KRT78: variants seen among roughly 807,000 people sequenced by gnomAD.
KRT78 encodes keratin 78.
A neutral mutation model predicts 51.4 loss-of-function variants in KRT78; 55 were observed. The observed-to-expected ratio is 1.07, with a 90% CI of 0.86 to 1.34. The LOEUF (loss-of-function observed/expected upper bound fraction) is 1.34. Among genes scored for constraint, KRT78 ranks in the 40% most tolerant of loss-of-function variants. The pLI is 0.00. For missense variants in KRT78, 652 were observed against 649.4 expected (o/e 1.00, Z -0.04); for synonymous variants, 291 against 264.3 (o/e 1.10, Z -0.98).
rs1341099856 is a variant in KRT78, at chr12:52,848,913, G to T, written c.18C>A (p.Cys6Ter). ...GAGCGCTGAAGCCCCTCTGGGCCCG[G>T]CATGGGGAGAGAGACATGGCAGAGA... MSLSP[C>*]RAQRGFSARS... is the part of the protein sequence containing the mutation. Residue 6 changes from cysteine to a stop codon, truncating the protein, a stop_gained, in exon 1 of 9, where the codon TGC becomes TGA. Coordinates refer to ENST00000304620, the MANE Select transcript of KRT78 (RefSeq NM_173352.4). LOFTEE classifies it high-confidence loss of function. The T allele has an allele frequency of 2.6e-6, 4 of 1,566,704 alleles. No homozygotes were observed. Among genetic ancestry groups the T allele is most frequent in the African/African-American group, 2.7e-5 (2 of 73,260 alleles).
rs540528106 is a variant in KRT78 at position 52,847,775 on chromosome 12, C to T, written c.599+132G>A. The T allele has an allele frequency of 7.0e-5, 50 of 715,810 alleles. 1 individual carries two copies. In the South Asian group the frequency reaches 7.3e-4, roughly 10 times the overall value. 44.3% of individuals were successfully genotyped at this position (715,810 alleles called of 1,614,324 possible). A position where few individuals can be genotyped will look rare whatever the true frequency, so the allele number is the denominator to read the frequency against. ...CCTGAGAGCCTGGGGAATGGGGACGCGGAGGGGTAGAGGGGAGGCCAGTCA... is the reference window on the plus strand; with the variant it reads ...CCTGAGAGCCTGGGGAATGGGGACGTGGAGGGGTAGAGGGGAGGCCAGTCA... On this transcript the variant is annotated intron_variant, in intron 2 of 8. Coordinates refer to ENST00000304620, the MANE Select transcript of KRT78 (RefSeq NM_173352.4).
intron 6 of KRT78, among the ~76,000 whole-genome samples, chr12:52,843,700 A>AAG (rs2076619085): frequency 6.7e-6 from 1 of 148,962 alleles, no homozygotes; most frequent in African/African-American, 2.6e-5. Context: ...AAAAAAAAAA[A>AAG]AAAAAGAAAA....
In KRT78 at chr12:52,847,912, C is replaced by T. The variant is rs924762297; in HGVS notation, c.594G>A (p.Lys198=). 1 of 1,614,072 alleles carries T rather than the reference C, an allele frequency of 6.2e-7. No homozygotes were observed. The highest frequency in any genetic ancestry group is 8.5e-7 in the Non-Finnish European group (1 of 1,179,956). The stretch of plus-strand genomic sequence containing the variant: ...GGAAATTTCAGTGTGCCTACTTGGA[C>T]TTATACTCCTCCTCCTGGTCCCGGC... ...KACRDQEEEY[K]SKYEEEAHRR... Residue 198 remains lysine, a synonymous_variant, in exon 2 of 9, where the codon AAG becomes AAA. Transcript: ENST00000304620.
At position 52,844,689 on chromosome 12, in the gene KRT78, G is replaced by C; in HGVS notation, c.791C>G (p.Thr264Arg). Reference protein sequence around the residue: ...LGQLQTQASDTSVVLSMDNNR... With the variant: ...LGQLQTQASDRSVVLSMDNNR... ...GTTGTCCATGGACAGCACCACAGAC[G>C]TGTCGCTGGCCTGGGTCTGGAGCTG... is the stretch of plus-strand genomic sequence containing the variant. The change falls in exon 5 of 9, where the codon ACG becomes AGG. Residue 264 changes from threonine (T) to arginine (R), a missense_variant. Physicochemically the swap from Thr to Arg is moderately conservative, Grantham distance 71. Coordinates refer to ENST00000304620, the MANE Select transcript of KRT78 (RefSeq NM_173352.4). 6.2e-7 allele frequency: 1 copy of C among 1,613,658 alleles called. No individual in the cohort carries two copies. The highest frequency in any genetic ancestry group is 1.1e-5 in the South Asian group (1 of 91,008).
At chr12:52,840,083 A>C in intron 6 of KRT78, 99 bp from the exon 7 acceptor site, 1 of 817,260 alleles carries the variant, frequency 1.2e-6, no homozygotes. Context: ...GGGGCGGATC[A>C]TAATCTTATG....
chr12:52,845,996 C>A, intron 4 of KRT78: 1 of 513,558 alleles, frequency 1.9e-6, no homozygotes, highest in Non-Finnish European at 3.4e-6. Flanking sequence ...TGATTTTTTT[C>A]TGGTTATTCA....
Position 52,839,227 on chromosome 12 carries a change from C to G in KRT78, c.1449G>C (p.Gly483=), listed in dbSNP as rs1420111282. The G allele has an allele frequency of 6.2e-7, 1 of 1,611,746 alleles. No homozygotes were observed. The highest frequency in any genetic ancestry group is 1.7e-5 in the Admixed American group (1 of 59,500). The change falls in exon 9 of 9, where the codon GGG becomes GGC. Residue 483 remains glycine (G), a synonymous_variant. Transcript: ENST00000304620. ...AGCAGGAATCCAAAACAGGGTCCTT[C>G]CCAGAGCCCAGAATGATGTTGGAGC... ...TGGSNIILGS[G]KDPVLDSCSV... is the part of the protein sequence containing the mutation.
At chr12:52,842,963 A>AGAGAGAGAGAG (rs1359058069) in intron 6 of KRT78, among the ~76,000 whole-genome samples, 2 of 25,064 alleles carry the variant, frequency 8.0e-5, no homozygotes, top group African/African-American at 4.8e-4. Flanking sequence ...GAGAGAGAGG[A>AGAGAGAGAGAG]AGGAAGGAAG....
rs769603203 is a variant in KRT78 at position 52,844,729 on chromosome 12, G to A, written c.757-6C>T. On this transcript the variant is annotated splice_region_variant and splice_polypyrimidine_tract_variant and intron_variant, in intron 4 of 8. Coordinates refer to ENST00000304620, the MANE Select transcript of KRT78 (RefSeq NM_173352.4). ...GTCTGGAGCTGGCCCAGCTCCTGCA[G>A]GGAAGACAGACTCAGTGTCCACTCA... 5 of 1,604,140 alleles carry A rather than the reference G, an allele frequency of 3.1e-6. No individual in the cohort carries two copies. The highest frequency in any genetic ancestry group is 4.3e-6 in the Non-Finnish European group (5 of 1,174,054).
intron 6 of KRT78, among the ~76,000 whole-genome samples, chr12:52,842,963 A>AGAG (rs1359058069): frequency 1.0e-3 from 26 of 25,088 alleles, no homozygotes; most frequent in African/African-American, 4.6e-3. Context: ...GAGAGAGAGG[A>AGAG]AGGAAGGAAG....
At position 52,848,550 on chromosome 12, in the gene KRT78, G is replaced by A. The variant is rs914629057; in HGVS notation, c.381C>T (p.Asp127=). 5 of 1,613,944 alleles carry A rather than the reference G, an allele frequency of 3.1e-6. No homozygotes were observed. The highest frequency in any genetic ancestry group is 4.2e-6 in the Non-Finnish European group (5 of 1,179,878). Residue 127 remains aspartate (D), a synonymous_variant, in exon 1 of 9, where the codon GAC becomes GAT. Coordinates refer to ENST00000304620, the MANE Select transcript of KRT78 (RefSeq NM_173352.4). ...GCTTGGCTGAGTTGACCCTCACCTT[G>A]TCAATGAAGGAAGCAAACTGGTTGT... ...TLNNQFASFI[D]KVRFLEQQNK... is the part of the protein sequence containing the mutation.
chr12:52,845,874 A>G (rs1592146434), intron 4 of KRT78: 1 of 262,834 alleles, frequency 3.8e-6, no homozygotes, highest in East Asian at 9.2e-5. Context: ...AATTGCTTGA[A>G]GCCGGGAGGC....
intron 6 of KRT78, among the ~76,000 whole-genome samples, chr12:52,840,761 G>A (rs538892832): frequency 6.6e-6 from 1 of 152,118 alleles, no homozygotes; most frequent in South Asian, 2.1e-4. Flanking sequence ...GCAATAAGAC[G>A]AAAAATGCCA....
In KRT78 at chr12:52,839,209, A is replaced by G; in HGVS notation, c.1467T>C (p.Asp489=). The G allele has an allele frequency of 6.2e-7, 1 of 1,612,782 alleles. No individual in the cohort carries two copies. Among genetic ancestry groups the G allele is most frequent in the Non-Finnish European group, 8.5e-7 (1 of 1,179,626 alleles). The change falls in exon 9 of 9, where the codon GAT becomes GAC. Residue 489 remains aspartate (D), a synonymous_variant. Coordinates refer to ENST00000304620, the MANE Select transcript of KRT78 (RefSeq NM_173352.4). ...CGCTGGAGCCAGACACAGAGCAGGA[A>G]TCCAAAACAGGGTCCTTCCCAGAGC... is the stretch of plus-strand genomic sequence containing the variant. ...ILGSGKDPVL[D]SCSVSGSSAG...
At chr12:52,842,922 GAAAGGAAAGAAAGAA>G (rs2120400988) in intron 6 of KRT78, among the ~76,000 whole-genome samples, 1 of 142,120 alleles carries the variant, frequency 7.0e-6, no homozygotes, top group South Asian at 2.3e-4. Flanking sequence ...ATGAAAGAAA[GAAAGGAAAGAAAGAA>G]AGAGAGAGAG....
Position 52,839,496 on chromosome 12 carries a change from A to G in KRT78, c.1269-9T>C. On this transcript the variant is annotated splice_polypyrimidine_tract_variant and intron_variant, in intron 7 of 8. Coordinates refer to ENST00000304620, the MANE Select transcript of KRT78 (RefSeq NM_173352.4). ...TGCACTCCCCAGACATCCTAGGGGG[A>G]AAAGGACAAGAGGGGGATGCGCTAA... 1.3e-6 allele frequency: 2 copies of G among 1,583,548 alleles called. No homozygotes were observed. Among genetic ancestry groups the G allele is most frequent in the East Asian group, 2.3e-5 (1 of 43,704 alleles).
chr12:52,843,700 A>AAAAG (rs1555183021), intron 6 of KRT78, among the ~76,000 whole-genome samples: 4,416 of 148,478 alleles, frequency 0.03, 230 homozygotes, highest in African/African-American at 0.11. Flanking sequence ...AAAAAAAAAA[A>AAAAG]AAAAAGAAAA....
chr12:52,841,063 G>A (rs1160458144), intron 6 of KRT78, among the ~76,000 whole-genome samples: 2 of 152,056 alleles, frequency 1.3e-5, no homozygotes, highest in Non-Finnish European at 1.5e-5. Flanking sequence ...CTGTACCATG[G>A]ATCACTATCT....
chr12:52,848,578 A>G lies in KRT78; in HGVS notation c.353T>C (p.Leu118Pro). ...AATGAAGGAAGCAAACTGGTTGTTG[A>G]GGGTTCTGATCTCCTGGGTCTCCTG... ...RTQETQEIRT[L>P]NNQFASFIDK... The change falls in exon 1 of 9, where the codon CTC becomes CCC. Residue 118 changes from leucine (L) to proline (P), a missense_variant. Coordinates refer to ENST00000304620, the MANE Select transcript of KRT78 (RefSeq NM_173352.4). 6.2e-7 allele frequency: 1 copy of G among 1,614,034 alleles called. No individual in the cohort carries two copies. The highest frequency in any genetic ancestry group is 2.2e-5 in the East Asian group (1 of 44,876).
Sources: gnomAD v4.1 joint callset for allele counts (sites outside exome capture counted in the v4.1 genomes callset) on GRCh38, gnomAD v4.1.1 for gene constraint, MANE v1.5 for transcripts, NCBI Gene and HGNC (gene_info 2026-07-23, HGNC 2026-07-21) for gene names.